The following STK32B variants were observed in gnomAD, a reference collection of about 807,000 sequenced individuals.
The protein encoded by STK32B is serine/threonine-protein kinase 32B.
In STK32B, 43 loss-of-function variants were observed where a neutral mutation model predicts 52.6. That is an observed-to-expected ratio of 0.82 (90% CI 0.64 to 1.05). The LOEUF (loss-of-function observed/expected upper bound fraction) is 1.05, where lower values mean the gene tolerates loss of function less well. STK32B is among the 50% of genes least tolerant of loss of function. The probability of loss-of-function intolerance (pLI) is 0.00; values close to 1 mark genes in which losing one functional copy is unlikely to be tolerated. For synonymous variants in STK32B, 238 were observed against 204.3 expected (o/e 1.17, Z -1.41); for missense variants, 621 against 534.6 (o/e 1.16, Z -1.59).
chr4:5,347,444 G>T (rs1320908363), intron 4 of STK32B, among the ~76,000 whole-genome samples: 1 of 152,242 alleles, frequency 6.6e-6, no homozygotes, highest in Non-Finnish European at 1.5e-5. Flanking sequence ...TTGTGGTGCA[G>T]ATTGAATTAG....
At chr4:5,295,974 C>T (rs1256735053) in intron 3 of STK32B, among the ~76,000 whole-genome samples, 1 of 151,782 alleles carries the variant, frequency 6.6e-6, no homozygotes, top group Non-Finnish European at 1.5e-5. Context: ...GTGTCTTTCT[C>T]GTTGGTTTCA....
intron 4 of STK32B, among the ~76,000 whole-genome samples, chr4:5,364,374 C>T (rs1189279741): frequency 6.6e-6 from 1 of 152,128 alleles, no homozygotes; most frequent in Admixed American, 6.5e-5. Context: ...AGAGACAGAT[C>T]CTGCTTTGCA....
intron 3 of STK32B, among the ~76,000 whole-genome samples, chr4:5,243,991 T>C (rs1725245957): frequency 6.6e-6 from 1 of 152,154 alleles, no homozygotes; most frequent in Non-Finnish European, 1.5e-5. Context: ...CAGTATTTTA[T>C]TGAGGATTTT....
upstream of STK32B, among the ~76,000 whole-genome samples, chr4:5,051,107 C>T (rs1464717734): frequency 6.6e-6 from 1 of 152,138 alleles, no homozygotes; most frequent in Non-Finnish European, 1.5e-5. Context: ...CTGCCCATCC[C>T]AATATGAATG....
At chr4:5,204,832 C>T (rs139357846) in intron 3 of STK32B, among the ~76,000 whole-genome samples, 5 of 152,208 alleles carry the variant, frequency 3.3e-5, no homozygotes, top group African/African-American at 1.2e-4. Context: ...ATGGACCACT[C>T]GTGGGGAGGG....
At chr4:5,201,992 G>A (rs1384223378) in intron 3 of STK32B, among the ~76,000 whole-genome samples, 1 of 152,064 alleles carries the variant, frequency 6.6e-6, no homozygotes, top group Non-Finnish European at 1.5e-5. Flanking sequence ...CTTCCCAACA[G>A]TCCCCCAAAG....
intron 4 of STK32B, among the ~76,000 whole-genome samples, chr4:5,361,140 A>G (rs1734521930): frequency 6.6e-6 from 1 of 152,198 alleles, no homozygotes; most frequent in South Asian, 2.1e-4. Context: ...TATATGTTGT[A>G]GCATGTGTAC....
chr4:5,196,830 G>A (rs1721716970), intron 3 of STK32B, among the ~76,000 whole-genome samples: 1 of 152,192 alleles, frequency 6.6e-6, no homozygotes, highest in Non-Finnish European at 1.5e-5. Flanking sequence ...AATTCAGCCA[G>A]GAATAAATCC....
Position 5,386,291 on chromosome 4 carries a change from G to A in STK32B, c.435-11916G>A, listed in dbSNP as rs1048965693. Among the ~76,000 whole-genome samples, 1 of 152,124 alleles carries A rather than the reference G, an allele frequency of 6.6e-6. No homozygotes were observed. The highest frequency in any genetic ancestry group is 1.5e-5 in the Non-Finnish European group (1 of 68,028). ...CTCCTGGGTAAGCTCCAGAAGGCAG[G>A]TCTCAGTAAGTATATGTTGAATGCT... On this transcript the variant is annotated intron_variant, in intron 4 of 11. Transcript: ENST00000282908. The surrounding 1 kb of genome is among the most constrained non-coding windows in gnomAD (Gnocchi z 4.5).
At chr4:5,189,275 T>A (rs567344604) in intron 3 of STK32B, among the ~76,000 whole-genome samples, 1 of 152,210 alleles carries the variant, frequency 6.6e-6, no homozygotes, top group Non-Finnish European at 1.5e-5. Flanking sequence ...TACGGAGCAA[T>A]GTCACTGCTC....
chr4:5,057,505 T>C (rs1239425906), intron 1 of STK32B, among the ~76,000 whole-genome samples: 1 of 152,208 alleles, frequency 6.6e-6, no homozygotes, highest in Non-Finnish European at 1.5e-5. Context: ...GGCAAAGCTT[T>C]TCCCTGCTTC....
intron 3 of STK32B, among the ~76,000 whole-genome samples, chr4:5,174,886 C>T (rs1033898749): frequency 1.6e-4 from 25 of 152,196 alleles, no homozygotes; most frequent in Non-Finnish European, 2.5e-4. Context: ...GGATAATATC[C>T]TGCAGAGTGT....
At chr4:5,364,185 T>C (rs1734722129) in intron 4 of STK32B, among the ~76,000 whole-genome samples, 1 of 152,274 alleles carries the variant, frequency 6.6e-6, no homozygotes, top group Non-Finnish European at 1.5e-5. Flanking sequence ...CTTTTCCCAC[T>C]GGTGCTTTAA....
At chr4:5,486,732 C>A (rs1014808779) in intron 11 of STK32B, among the ~76,000 whole-genome samples, 2 of 152,206 alleles carry the variant, frequency 1.3e-5, no homozygotes, top group Admixed American at 6.5e-5. Flanking sequence ...ATTTAGGGGA[C>A]TGGAGCTGGC....
intron 2 of STK32B, among the ~76,000 whole-genome samples, chr4:5,146,469 T>G (rs537022200): frequency 2.6e-5 from 4 of 152,276 alleles, no homozygotes; most frequent in African/African-American, 9.6e-5. Flanking sequence ...AGCAAGTCAG[T>G]TTCTTGCACC....
intron 1 of STK32B, among the ~76,000 whole-genome samples, chr4:5,062,251 C>G (rs537692641): frequency 6.6e-6 from 1 of 152,274 alleles, no homozygotes; most frequent in South Asian, 2.1e-4. Flanking sequence ...ACATATTCCT[C>G]AAATCACTAC....
chr4:5,229,999 T>C (rs1482491604), intron 3 of STK32B, among the ~76,000 whole-genome samples: 1 of 151,878 alleles, frequency 6.6e-6, no homozygotes, highest in Non-Finnish European at 1.5e-5. Flanking sequence ...CTTATTTTAT[T>C]ATTATTTTTT....
intron 1 of STK32B, among the ~76,000 whole-genome samples, chr4:5,105,049 AC>A (rs1714026304): frequency 6.6e-6 from 1 of 152,196 alleles, no homozygotes; most frequent in Admixed American, 6.5e-5. Flanking sequence ...TTCACTTGCG[AC>A]GTAAGAGGGA....
At chr4:5,305,608 T>TG (rs1729874959) in intron 3 of STK32B, among the ~76,000 whole-genome samples, 1 of 152,116 alleles carries the variant, frequency 6.6e-6, no homozygotes, top group African/African-American at 2.4e-5. Flanking sequence ...TGGTTAACCA[T>TG]ACTAATGGTC....
Sources: gnomAD v4.1 joint callset for allele counts (sites outside exome capture counted in the v4.1 genomes callset) on GRCh38, gnomAD v4.1.1 for gene constraint, Gnocchi (gnomAD v3.1) non-coding constraint, MANE v1.5 for transcripts, NCBI Gene and HGNC (gene_info 2026-07-23, HGNC 2026-07-21) for gene names.